The following FBXL22 variants were observed in gnomAD, a reference collection of about 807,000 sequenced individuals.
The protein encoded by FBXL22 is F-box and leucine-rich protein 22.
FBXL22 carries 13 observed loss-of-function variants against 11.7 expected under a neutral mutation model. That is an observed-to-expected ratio of 1.11 (90% CI 0.73 to 1.77). The LOEUF (loss-of-function observed/expected upper bound fraction) is 1.77. Among genes scored for constraint, FBXL22 ranks in the 40% most tolerant of loss-of-function variants. The pLI, the probability that FBXL22 is intolerant of heterozygous loss-of-function variation, is 0.00. For missense variants in FBXL22, 406 were observed against 320.4 expected (o/e 1.27, Z -2.04); for synonymous variants, 160 against 144.1 (o/e 1.11, Z -0.79).
downstream of FBXL22, among the ~76,000 whole-genome samples, chr15:63,604,633 C>T (rs547873120): frequency 6.6e-6 from 1 of 152,264 alleles, no homozygotes; most frequent in East Asian, 1.9e-4. Flanking sequence ...CTTAACAGAG[C>T]GCAATACCTC....
chr15:63,605,417 T>C (rs2067408440), downstream of FBXL22, among the ~76,000 whole-genome samples: 1 of 152,210 alleles, frequency 6.6e-6, no homozygotes, highest in African/African-American at 2.4e-5. Context: ...CTAGAAAAGC[T>C]GAGTGCCTGG....
chr15:63,608,373 A>G, the FBXL22 span, among the ~76,000 whole-genome samples: 1 of 152,234 alleles, frequency 6.6e-6, no homozygotes, highest in Admixed American at 6.5e-5. Flanking sequence ...AGAGAGACCC[A>G]GGATGACAGA....
chr15:63,599,044 T>C (rs2067320695), intron 1 of FBXL22: 6 of 714,246 alleles, frequency 8.4e-6, no homozygotes, highest in Non-Finnish European at 1.4e-5. Flanking sequence ...GTCAGCACTC[T>C]GCTGAGCCGC....
intron 1 of FBXL22, chr15:63,599,648 C>A: frequency 2.0e-6 from 2 of 988,942 alleles, no homozygotes; most frequent in Non-Finnish European, 2.4e-6. Context: ...CCTCCCCTGG[C>A]ACAAAGGAGC....
chr15:63,606,714 A>G (rs549916535), downstream of FBXL22, among the ~76,000 whole-genome samples: 43 of 101,326 alleles, frequency 4.2e-4, 1 homozygote, highest in Admixed American at 2.0e-3. Flanking sequence ...TAGTCAAGAC[A>G]ATGAGGAAAT....
At chr15:63,598,329 C>CT (rs1316265280) in intron 1 of FBXL22, among the ~76,000 whole-genome samples, 1 of 152,162 alleles carries the variant, frequency 6.6e-6, no homozygotes, top group Non-Finnish European at 1.5e-5. Flanking sequence ...TTTGCCCAGT[C>CT]TAGGGTTGCC....
At chr15:63,598,074 G>A (rs2152688055) in intron 1 of FBXL22, among the ~76,000 whole-genome samples, 1 of 152,230 alleles carries the variant, frequency 6.6e-6, no homozygotes. Context: ...TCTGGGAAAA[G>A]GCTTCCAGAT....
the FBXL22 span, among the ~76,000 whole-genome samples, chr15:63,607,477 T>G: frequency 2.8e-4 from 43 of 152,328 alleles, no homozygotes; most frequent in African/African-American, 1.0e-3. Context: ...TACCCAGAAC[T>G]CCTGGGGTTC....
At chr15:63,606,457 G>C (rs1566931912), downstream of FBXL22, among the ~76,000 whole-genome samples, 1 of 152,218 alleles carries the variant, frequency 6.6e-6, no homozygotes, top group Non-Finnish European at 1.5e-5. Flanking sequence ...AACTGCCTAA[G>C]CCTCTCTAAG....
chr15:63,600,668 A>T, intron 1 of FBXL22, 29 bp from the exon 2 acceptor site: 1 of 1,231,248 alleles, frequency 8.1e-7, no homozygotes, highest in Non-Finnish European at 1.0e-6. Flanking sequence ...CAAGCCAGTG[A>T]GCCCCGGGTC....
At chr15:63,606,076 C>A (rs1416904762), downstream of FBXL22, among the ~76,000 whole-genome samples, 1 of 152,336 alleles carries the variant, frequency 6.6e-6, no homozygotes, top group East Asian at 1.9e-4. Flanking sequence ...TACCACGGCA[C>A]GCTGACAGGA....
At chr15:63,605,028 A>T (rs1595799559), downstream of FBXL22, among the ~76,000 whole-genome samples, 1 of 152,296 alleles carries the variant, frequency 6.6e-6, no homozygotes, top group East Asian at 1.9e-4. Context: ...CTCACTGCAC[A>T]GCCTGCGCAG....
Position 63,597,418 on chromosome 15 carries a change from T to C in FBXL22, c.26T>C (p.Ile9Thr). Residue 9 changes from isoleucine to threonine, a missense_variant, in exon 1 of 2, where the codon ATA (isoleucine) becomes ACA (threonine). By Grantham distance (89) the Ile-to-Thr change is moderately conservative. Coordinates refer to ENST00000638704, the MANE Select transcript of FBXL22 (RefSeq NM_001367807.1). The surrounding 1 kb of genome is among the most constrained non-coding windows in gnomAD (Gnocchi z 4.3). MWPLLTMH[I>T]TQLNRECLLH... ...ATGTGGCCACTGCTCACCATGCACA[T>C]AACCCAGCTCAACCGGGAGTGCCTG... The C allele has an allele frequency of 6.2e-7, 1 of 1,612,864 alleles. No homozygotes were observed. The highest frequency in any genetic ancestry group is 8.5e-7 in the Non-Finnish European group (1 of 1,179,556).
chr15:63,606,836 C>A (rs2067417924), downstream of FBXL22, among the ~76,000 whole-genome samples: 1 of 152,222 alleles, frequency 6.6e-6, no homozygotes, highest in Non-Finnish European at 1.5e-5. Flanking sequence ...CCAGGACCTG[C>A]AACCATGAGT....
Position 63,597,637 on chromosome 15 carries a change from G to T in FBXL22, c.245G>T (p.Arg82Leu). 6.2e-7 allele frequency: 1 copy of T among 1,613,346 alleles called. No homozygotes were observed. ...RSLSICWHSS[R>L]VQVCSIEDWL... The stretch of plus-strand genomic sequence containing the variant: ...CTCTCCATCTGCTGGCACTCCAGCC[G>T]CGTGCAGGTGTGCAGCATTGAGGAC... The change falls in exon 1 of 2, where the codon CGC becomes CTC. Residue 82 changes from arginine (R) to leucine (L), a missense_variant. Coordinates refer to ENST00000638704, the MANE Select transcript of FBXL22 (RefSeq NM_001367807.1). This position sits in a 1 kb window ranked among gnomAD's most constrained non-coding sequence, Gnocchi z 4.3.
chr15:63,599,660 G>A (rs938334060), intron 1 of FBXL22: 35 of 988,128 alleles, frequency 3.5e-5, no homozygotes, highest in Middle Eastern at 5.1e-4. Flanking sequence ...CAAAGGAGCC[G>A]AGCTGGCACA....
At chr15:63,599,112 T>G in intron 1 of FBXL22, 1 of 1,242,636 alleles carries the variant, frequency 8.0e-7, no homozygotes, top group Non-Finnish European at 1.1e-6. Flanking sequence ...GCAACCTCAT[T>G]TCTTCTTCTA....
Position 63,597,486 on chromosome 15 carries a change from C to A in FBXL22, c.94C>A (p.Leu32Ile). The A allele has an allele frequency of 6.2e-7, 1 of 1,614,086 alleles. No individual in the cohort carries two copies. Among genetic ancestry groups the A allele is most frequent in the South Asian group, 1.1e-5 (1 of 91,084 alleles). The change falls in exon 1 of 2, where the codon CTT becomes ATT. Residue 32 changes from leucine to isoleucine, a missense_variant. Coordinates refer to ENST00000638704, the MANE Select transcript of FBXL22 (RefSeq NM_001367807.1). This position sits in a 1 kb window ranked among gnomAD's most constrained non-coding sequence, Gnocchi z 4.3. ...CCTAGACAAGGACAGCAGGAAGAGC[C>A]TTGCCAGGACCTGCTCCCAGCTCCA... ...SFLDKDSRKS[L>I]ARTCSQLHDV...
chr15:63,599,590 C>G (rs934886538), intron 1 of FBXL22: 1 of 1,014,384 alleles, frequency 9.9e-7, no homozygotes, highest in Admixed American at 5.6e-5. Context: ...GAGGCCCGGG[C>G]TCGGTGTGAC....
Sources: gnomAD v4.1 joint callset for allele counts (sites outside exome capture counted in the v4.1 genomes callset) on GRCh38, gnomAD v4.1.1 for gene constraint, Gnocchi (gnomAD v3.1) non-coding constraint, MANE v1.5 for transcripts, NCBI Gene and HGNC (gene_info 2026-07-23, HGNC 2026-07-21) for gene names.